Variants in FN1 observed in about 807,000 individuals in gnomAD.
The protein encoded by FN1 is fibronectin 1.
Under a neutral mutation model 297.3 loss-of-function variants are expected in FN1, and 106 were observed. The ratio of observed to expected loss-of-function variants is 0.36; its 90% CI spans 0.30 to 0.42. The LOEUF (loss-of-function observed/expected upper bound fraction) is 0.42, where lower values mean the gene tolerates loss of function less well. FN1 is among the 10% of genes least tolerant of loss of function. The probability of loss-of-function intolerance (pLI) is 1.00; values close to 1 mark genes in which losing one functional copy is unlikely to be tolerated. For missense variants in FN1, 2,690 were observed against 3,124.9 expected (o/e 0.86, Z 3.32); for synonymous variants, 1,149 against 1,152.6 (o/e 1.00, Z 0.06).
chr2:215,386,763 G>A lies in FN1; in HGVS notation c.4538C>T (p.Thr1513Ile). 6.2e-7 allele frequency: 1 copy of A among 1,613,896 alleles called. No homozygotes were observed. ...AGCAACGATGCTGACCACATACTCT[G>A]TGCCTGGAGTGAGGTTGGTGAGGGT... ...SITLTNLTPG[T>I]EYVVSIVALN... Residue 1513 changes from threonine to isoleucine, a missense_variant, in exon 28 of 46, where the codon ACA (threonine) becomes ATA (isoleucine). Around this residue, in one of 3 missense-constraint regions of FN1, gnomAD observed 1,743 missense variants for 1,945.2 expected, o/e 0.90. Transcript: ENST00000354785.
At chr2:215,413,435 T>C (rs1441474952) in intron 13 of FN1, among the ~76,000 whole-genome samples, 1 of 152,232 alleles carries the variant, frequency 6.6e-6, no homozygotes, top group Non-Finnish European at 1.5e-5. Context: ...GGGTTTATTA[T>C]ACATTCCTCC....
intron 4 of FN1, 24 bp downstream of exon 4, chr2:215,431,809 T>C: frequency 6.2e-7 from 1 of 1,613,832 alleles, no homozygotes. Context: ...TCCCAGCTCT[T>C]GCTCAGCCCT....
chr2:215,367,849 A>G lies in FN1; in HGVS notation c.7018+14T>C, dbSNP rs766654059. ...AGACAAACACGGAAGTGGATGGACAAAGCAACTACTCACTAGATGAATCAC... is the reference window on the plus strand; with the variant it reads ...AGACAAACACGGAAGTGGATGGACAGAGCAACTACTCACTAGATGAATCAC... On this transcript the variant is annotated intron_variant, in intron 42 of 45. Transcript: ENST00000354785. 8.1e-6 allele frequency: 13 copies of G among 1,613,756 alleles called. No individual in the cohort carries two copies. In the South Asian group the frequency reaches 1.2e-4, roughly 15 times the overall value.
chr2:215,416,697 G>A (rs1272380327), intron 12 of FN1, among the ~76,000 whole-genome samples: 1 of 152,168 alleles, frequency 6.6e-6, no homozygotes, highest in Admixed American at 6.6e-5. Context: ...ATGGATAAAT[G>A]TCTATTAAGT....
Position 215,379,234 on chromosome 2 carries a change from G to A in FN1, c.5518C>T (p.Leu1840Phe), listed in dbSNP as rs1293926623. Residue 1840 changes from leucine (L) to phenylalanine (F), a missense_variant, in exon 34 of 46, where the codon CTC becomes TTC. By Grantham distance (22) the Leu-to-Phe change is conservative. Transcript: ENST00000354785. ...SAQWTPPNVQ[L>F]TGYRVRVTPK... ...GTCACCCGCACTCGATATCCAGTGA[G>A]CTGAACATTGGGTGGTGTCCACTGG... The A allele has an allele frequency of 2.5e-6, 4 of 1,613,972 alleles. No individual in the cohort carries two copies. In the South Asian group the frequency reaches 4.4e-5, roughly 18 times the overall value.
chr2:215,432,109 A>G, intron 3 of FN1, 145 bp from the exon 4 acceptor site: 2 of 895,238 alleles, frequency 2.2e-6, no homozygotes, highest in Non-Finnish European at 3.6e-6. Flanking sequence ...GGAAACGTTA[A>G]CAGGTCTGGT....
intron 24 of FN1, chr2:215,393,408 C>G: frequency 2.5e-6 from 1 of 404,094 alleles, no homozygotes; most frequent in Non-Finnish European, 4.3e-6. Flanking sequence ...GAAGAATAAA[C>G]AGGAATATTC....
chr2:215,375,246 G>A lies in FN1; in HGVS notation c.6125C>T (p.Pro2042Leu). Reference sequence around the variant, plus strand: ...AGTAGCCTCTGTGACACCAGGGCGGGGCCGAGGGACCACTTCTCTGGGAGG... The same window carrying A: ...AGTAGCCTCTGTGACACCAGGGCGGAGCCGAGGGACCACTTCTCTGGGAGG... ...GSPPREVVPRPRPGVTEATIT... is the reference protein window; with the variant it reads ...GSPPREVVPRLRPGVTEATIT... The change falls in exon 38 of 46, where the codon CCC (proline) becomes CTC (leucine). Residue 2042 changes from proline to leucine, a missense_variant. By Grantham distance (98) the Pro-to-Leu change is moderately conservative. Coordinates refer to ENST00000354785, the MANE Select transcript of FN1 (RefSeq NM_212482.4). The A allele has an allele frequency of 6.2e-7, 1 of 1,614,142 alleles. No individual in the cohort carries two copies. Among genetic ancestry groups the A allele is most frequent in the South Asian group, 1.1e-5 (1 of 91,072 alleles).
chr2:215,370,719 G>A (rs1485680698), intron 40 of FN1, among the ~76,000 whole-genome samples: 1 of 152,066 alleles, frequency 6.6e-6, no homozygotes, highest in Non-Finnish European at 1.5e-5. Context: ...GCCTGCCATT[G>A]ATCTTGCTTC....
Position 215,393,053 on chromosome 2 carries a change from A to C in FN1, c.3947T>G (p.Val1316Gly). ...GEGIPIFEDF[V>G]DSSVGYYTVT... ...TGTGTAGTATCCTACTGAGGAGTCC[A>C]CAAAATCTTCAAAAATAGGGATACC... The change falls in exon 25 of 46, where the codon GTG becomes GGG. Residue 1316 changes from valine to glycine, a missense_variant. Physicochemically the swap from Val to Gly is moderately radical, Grantham distance 109 (BLOSUM62 -3). Around this residue, in one of 3 missense-constraint regions of FN1, gnomAD observed 1,743 missense variants for 1,945.2 expected, o/e 0.90. Transcript: ENST00000354785. 2 of 1,614,078 alleles carry C rather than the reference A, an allele frequency of 1.2e-6. No homozygotes were observed. The highest frequency in any genetic ancestry group is 2.7e-5 in the African/African-American group (2 of 75,036).
intron 13 of FN1, chr2:215,414,581 A>G (rs1473085430): frequency 1.4e-6 from 1 of 728,254 alleles, no homozygotes; most frequent in East Asian, 3.5e-5. Flanking sequence ...AGATTTCTGT[A>G]ACATAAAGAG....
intron 42 of FN1, among the ~76,000 whole-genome samples, chr2:215,367,025 A>C (rs570441613): frequency 3.9e-5 from 6 of 152,314 alleles, no homozygotes; most frequent in Admixed American, 3.9e-4. Flanking sequence ...AGTTAAGTAA[A>C]ATACTTTGAA....
At position 215,361,355 on chromosome 2, in the gene FN1, T is replaced by C; in HGVS notation, c.*200A>G. 1 of 629,208 alleles carries C rather than the reference T, an allele frequency of 1.6e-6. No individual in the cohort carries two copies. The highest frequency in any genetic ancestry group is 2.7e-5 in the East Asian group (1 of 36,472). The allele number at this position is 629,208 out of a possible 1,614,324, so 39.0% of individuals were successfully genotyped here. ...AAGCAGAACAGGCAATGTGCAGCCCTCATTTATGAGAAAACCCTCAGGAAA... is the reference window on the plus strand; with the variant it reads ...AAGCAGAACAGGCAATGTGCAGCCCCCATTTATGAGAAAACCCTCAGGAAA... On this transcript the variant is annotated 3_prime_UTR_variant, in exon 46 of 46. Transcript: ENST00000354785.
intron 23 of FN1, 37 bp from the exon 24 acceptor site, chr2:215,394,756 G>C: frequency 6.0e-6 from 9 of 1,497,674 alleles, no homozygotes; most frequent in Non-Finnish European, 8.4e-6. Context: ...TTGCACAGAG[G>C]ATCTGTGAGC....
At chr2:215,425,311 C>A (rs758084338) in intron 6 of FN1, 26 bp from the exon 7 acceptor site, 6 of 1,609,828 alleles carry the variant, frequency 3.7e-6, no homozygotes, top group Non-Finnish European at 5.1e-6. Context: ...GGGAATGTCA[C>A]AAAACTGGGT....
chr2:215,367,928 G>A lies in FN1; in HGVS notation c.6953C>T (p.Ser2318Leu). 1.2e-6 allele frequency: 2 copies of A among 1,614,088 alleles called. No homozygotes were observed. The highest frequency in any genetic ancestry group is 1.7e-6 in the Non-Finnish European group (2 of 1,179,930). The change falls in exon 42 of 46, where the codon TCA becomes TTA. Residue 2318 changes from serine to leucine, a missense_variant. Coordinates refer to ENST00000354785, the MANE Select transcript of FN1 (RefSeq NM_212482.4). ...GCACTGGCACAACAGTTTAAAGCCT[G>A]ATTCAGACATTCGTTCCCACTCATC... Reference protein sequence around the residue: ...VGDEWERMSESGFKLLCQCLG... With the variant: ...VGDEWERMSELGFKLLCQCLG...
chr2:215,428,080 C>T, intron 6 of FN1, 100 bp downstream of exon 6: 1 of 1,409,382 alleles, frequency 7.1e-7, no homozygotes, highest in Non-Finnish European at 1.0e-6. Flanking sequence ...TGAAACACTG[C>T]AAATTATCCT....
chr2:215,384,106 A>C lies in FN1; in HGVS notation c.4808T>G (p.Val1603Gly), dbSNP rs749273164. The C allele has an allele frequency of 1.2e-6, 2 of 1,613,956 alleles. No homozygotes were observed. The highest frequency in any genetic ancestry group is 1.6e-4 in the Middle Eastern group (1 of 6,062). Reference protein sequence around the residue: ...TATISGLKPGVDYTITVYAVT... With the variant: ...TATISGLKPGGDYTITVYAVT... ...AGCATACACAGTGATGGTATAATCA[A>C]CTCCAGGTTTAAGGCCGCTGATGGT... Residue 1603 changes from valine to glycine, a missense_variant, in exon 30 of 46, where the codon GTT (valine) becomes GGT (glycine). This residue lies in a region of FN1 where 1,743 missense variants were observed against 1,945.2 expected (regional missense o/e 0.90). Transcript: ENST00000354785.
At chr2:215,382,384 G>T in intron 31 of FN1, 59 bp from the exon 32 acceptor site, 1 of 1,095,144 alleles carries the variant, frequency 9.1e-7, no homozygotes, top group Non-Finnish European at 1.4e-6. Flanking sequence ...AAGTCCTCAA[G>T]TGGCGTCTAG....
Sources: gnomAD v4.1 joint callset for allele counts (sites outside exome capture counted in the v4.1 genomes callset) on GRCh38, gnomAD v4.1.1 for gene constraint, gnomAD v4.1.1 regional missense constraint, MANE v1.5 for transcripts, NCBI Gene and HGNC (gene_info 2026-07-23, HGNC 2026-07-21) for gene names.